The following EYS variants were observed in gnomAD, a reference collection of about 807,000 sequenced individuals.
The protein encoded by EYS is EGF-like photoreceptor maintenance factor, also known as protein eyes shut homolog.
In EYS, 250 loss-of-function variants were observed where a neutral mutation model predicts 282.1. The ratio of observed to expected loss-of-function variants is 0.89; its 90% CI spans 0.80 to 0.98. The LOEUF (loss-of-function observed/expected upper bound fraction) is 0.98, where lower values mean the gene tolerates loss of function less well. EYS is among the 50% of genes least tolerant of loss of function. The pLI, the probability that EYS is intolerant of heterozygous loss-of-function variation, is 0.00. For synonymous variants in EYS, 1,355 were observed against 1,282.9 expected, an observed-to-expected ratio of 1.06 and a Z score of -1.20; for missense variants, 4,016 against 3,709.0, an observed-to-expected ratio of 1.08 and a Z score of -2.15.
chr6:65,109,237 C>T (rs1464799129), intron 12 of EYS, among the ~76,000 whole-genome samples: 1 of 151,648 alleles, frequency 6.6e-6, no homozygotes, highest in Non-Finnish European at 1.5e-5. Context: ...ATTTTAGGGT[C>T]GAAACTCTTG....
chr6:64,494,804 T>C (rs1582819535), intron 26 of EYS, among the ~76,000 whole-genome samples: 1 of 151,732 alleles, frequency 6.6e-6, no homozygotes, highest in Non-Finnish European at 1.5e-5. Context: ...TGAAATACAG[T>C]TTCTTACAGA....
chr6:64,559,862 T>A (rs559800409), intron 26 of EYS, among the ~76,000 whole-genome samples: 30 of 152,198 alleles, frequency 2.0e-4, no homozygotes, highest in Non-Finnish European at 3.7e-4. Context: ...CACCCAGATA[T>A]TAAGCCTAGT....
At chr6:64,128,484 A>T (rs976353883) in intron 31 of EYS, among the ~76,000 whole-genome samples, 2 of 152,126 alleles carry the variant, frequency 1.3e-5, no homozygotes, top group African/African-American at 4.8e-5. Context: ...TTCTCATAAC[A>T]TACATATTCA....
chr6:65,701,409 T>C (rs1769669434), intron 1 of EYS, among the ~76,000 whole-genome samples: 1 of 152,098 alleles, frequency 6.6e-6, no homozygotes, highest in South Asian at 2.1e-4. Flanking sequence ...TTTTTCTAGG[T>C]TCCCTATTAT....
chr6:64,291,153 C>T (rs1336691480), intron 30 of EYS, among the ~76,000 whole-genome samples: 2 of 151,502 alleles, frequency 1.3e-5, no homozygotes, highest in Non-Finnish European at 2.9e-5. Context: ...ATACCAAAAG[C>T]AGATATTGAA....
At chr6:65,532,269 T>C (rs144759791) in intron 2 of EYS, among the ~76,000 whole-genome samples, 82 of 152,166 alleles carry the variant, frequency 5.4e-4, no homozygotes, top group African/African-American at 1.8e-3. Flanking sequence ...TGTAAGAAAG[T>C]CTATATTTAC....
At chr6:64,172,105 C>T (rs1764495630) in intron 31 of EYS, among the ~76,000 whole-genome samples, 1 of 152,038 alleles carries the variant, frequency 6.6e-6, no homozygotes, top group Non-Finnish European at 1.5e-5. Context: ...CAACATACAC[C>T]CATCAACCTT....
chr6:65,330,561 T>C (rs1769758355), intron 11 of EYS: 1 of 981,644 alleles, frequency 1.0e-6, no homozygotes, highest in African/African-American at 1.8e-5. Context: ...TATGCAGACC[T>C]GTTTGCAATA....
At chr6:64,693,838 G>A (rs1201326921) in intron 22 of EYS, among the ~76,000 whole-genome samples, 1 of 152,030 alleles carries the variant, frequency 6.6e-6, no homozygotes, top group African/African-American at 2.4e-5. Context: ...TTAGATGGGG[G>A]AGAAGTAGCC....
chr6:65,412,447 C>T (rs994853277), intron 5 of EYS, among the ~76,000 whole-genome samples: 5 of 152,090 alleles, frequency 3.3e-5, no homozygotes, highest in Middle Eastern at 3.2e-3. Flanking sequence ...TTACATTTTC[C>T]ACAGCAATGT....
At chr6:64,234,425 G>T (rs1407016446) in intron 30 of EYS, among the ~76,000 whole-genome samples, 3 of 135,958 alleles carry the variant, frequency 2.2e-5, no homozygotes, top group African/African-American at 8.1e-5. Flanking sequence ...TTTAAAATCT[G>T]CAGAGTGTTT....
chr6:65,412,811 T>C (rs920937688), intron 5 of EYS, among the ~76,000 whole-genome samples: 2 of 152,076 alleles, frequency 1.3e-5, no homozygotes, highest in Non-Finnish European at 2.9e-5. Flanking sequence ...TAGAAAAAAA[T>C]AGTTTATTTT....
At chr6:63,920,904 T>G (rs115628291) in intron 35 of EYS, among the ~76,000 whole-genome samples, 2,864 of 152,032 alleles carry the variant, frequency 0.019, 42 homozygotes, top group Non-Finnish European at 0.033. Flanking sequence ...TTCCTTTTTT[T>G]TTTTTGGAGA....
At chr6:64,677,167 A>T (rs185587949) in intron 22 of EYS, among the ~76,000 whole-genome samples, 59 of 152,248 alleles carry the variant, frequency 3.9e-4, no homozygotes, top group Admixed American at 9.2e-4. Context: ...ATTAGCTATT[A>T]TCTAAGTCTT....
chr6:64,536,674 T>C (rs991111935), intron 26 of EYS, among the ~76,000 whole-genome samples: 27 of 152,172 alleles, frequency 1.8e-4, no homozygotes, highest in Admixed American at 6.5e-4. Flanking sequence ...ACCATTCATA[T>C]AGTTATAAGA....
At chr6:65,392,474 A>G (rs960098919) in intron 7 of EYS, among the ~76,000 whole-genome samples, 2 of 152,232 alleles carry the variant, frequency 1.3e-5, no homozygotes, top group Non-Finnish European at 2.9e-5. Flanking sequence ...CAAATTTACA[A>G]GAAAACAACA....
At chr6:64,202,216 T>C (rs2150322867) in intron 31 of EYS, among the ~76,000 whole-genome samples, 1 of 152,324 alleles carries the variant, frequency 6.6e-6, no homozygotes, top group African/African-American at 2.4e-5. Flanking sequence ...GTTTCTTTCA[T>C]ACCATGAACT....
chr6:64,684,699 A>G (rs1770027223), intron 22 of EYS, among the ~76,000 whole-genome samples: 1 of 152,044 alleles, frequency 6.6e-6, no homozygotes, highest in Non-Finnish European at 1.5e-5. Context: ...CAAGTTTTTG[A>G]CATTTTATAA....
At chr6:64,866,397 A>G (rs926846137) in intron 19 of EYS, among the ~76,000 whole-genome samples, 5 of 151,894 alleles carry the variant, frequency 3.3e-5, no homozygotes, top group Non-Finnish European at 5.9e-5. Context: ...TTTGGTTGTC[A>G]TTTTATAAAG....
Sources: gnomAD v4.1 joint callset for allele counts (sites outside exome capture counted in the v4.1 genomes callset) on GRCh38, gnomAD v4.1.1 for gene constraint, MANE v1.5 for transcripts, NCBI Gene and HGNC (gene_info 2026-07-23, HGNC 2026-07-21) for gene names.